NRXN1: variants seen among roughly 807,000 people sequenced by gnomAD.
The protein encoded by NRXN1 is neurexin-1.
Under a neutral mutation model 150.9 loss-of-function variants are expected in NRXN1, and 39 were observed. The observed-to-expected ratio is 0.26, with a 90% confidence interval of 0.20 to 0.34. The LOEUF is 0.34. NRXN1 is among the 10% of genes least tolerant of loss of function. NRXN1 has a pLI of 1.00. For synonymous variants in NRXN1, 924 were observed against 757.0 expected (o/e 1.22, Z -3.62); for missense variants, 1,815 against 1,949.9 (o/e 0.93, Z 1.30).
At chr2:50,684,733 C>G (rs1690964123) in intron 5 of NRXN1, among the ~76,000 whole-genome samples, 1 of 152,124 alleles carries the variant, frequency 6.6e-6, no homozygotes, top group Admixed American at 6.6e-5. Context: ...AAGAGATAGT[C>G]TTTGCCAAGG....
chr2:50,286,565 A>T (rs765966866), intron 17 of NRXN1, among the ~76,000 whole-genome samples: 1 of 152,190 alleles, frequency 6.6e-6, no homozygotes, highest in African/African-American at 2.4e-5. Context: ...AAAGCAGTTA[A>T]CTAGCAAAAG....
intron 5 of NRXN1, among the ~76,000 whole-genome samples, chr2:50,668,485 T>C (rs79040017): frequency 0.027 from 4,090 of 152,042 alleles, 187 homozygotes; most frequent in African/African-American, 0.093. Context: ...AAGAAGAAAA[T>C]GCATTGATTA....
chr2:50,865,576 A>G (rs1202510529), intron 5 of NRXN1, among the ~76,000 whole-genome samples: 1 of 115,718 alleles, frequency 8.6e-6, no homozygotes, highest in African/African-American at 3.3e-5. Context: ...CTCCAAATAT[A>G]TAAATGTGTG....
chr2:50,776,380 G>A (rs927288779), intron 5 of NRXN1, among the ~76,000 whole-genome samples: 2 of 151,950 alleles, frequency 1.3e-5, no homozygotes, highest in African/African-American at 2.4e-5. Context: ...CAACAAGAAT[G>A]TACAAAGGAA....
In NRXN1 at chr2:50,497,760, A is replaced by C. The variant is rs546766577; in HGVS notation, c.2498-46T>G. On this transcript the variant is annotated intron_variant, in intron 13 of 22. Transcript: ENST00000401669. ...TGATTATTTTCTGTATCTGAAAGGC[A>C]CTTTCAACTTTAGGCTTTCATAACA... 9.2e-6 allele frequency: 14 copies of C among 1,521,212 alleles called. No homozygotes were observed. The East Asian group carries it at 1.4e-4, about 15-fold the overall frequency. The allele number at this position is 1,521,212 out of a possible 1,614,324, so 94.2% of individuals were successfully genotyped here.
At chr2:50,968,108 G>A (rs1442939991) in intron 2 of NRXN1, among the ~76,000 whole-genome samples, 1 of 151,936 alleles carries the variant, frequency 6.6e-6, no homozygotes, top group African/African-American at 2.4e-5. Flanking sequence ...TAGGTAGACT[G>A]GTGATTCTGG....
chr2:50,487,223 C>T (rs2090938421), intron 15 of NRXN1, among the ~76,000 whole-genome samples: 1 of 152,082 alleles, frequency 6.6e-6, no homozygotes, highest in South Asian at 2.1e-4. Flanking sequence ...ATATACCCTG[C>T]CTAAGGAAAT....
chr2:50,280,907 A>G (rs1026122860), intron 17 of NRXN1, among the ~76,000 whole-genome samples: 1 of 152,054 alleles, frequency 6.6e-6, no homozygotes, highest in Non-Finnish European at 1.5e-5. Flanking sequence ...GGAGATTTGT[A>G]ATTTATTTTG....
intron 21 of NRXN1, among the ~76,000 whole-genome samples, chr2:49,996,527 T>A (rs1224435886): frequency 6.6e-6 from 1 of 152,202 alleles, no homozygotes. Flanking sequence ...TTAAGACTCT[T>A]GAGTTGGAGA....
intron 2 of NRXN1, among the ~76,000 whole-genome samples, chr2:50,973,440 TAATCC>T (rs1695333058): frequency 6.6e-6 from 1 of 152,176 alleles, no homozygotes; most frequent in Non-Finnish European, 1.5e-5. Context: ...TATCTCAGAT[TAATCC>T]TCTATTTCTG....
chr2:50,835,146 C>G (rs1428499924), intron 5 of NRXN1, among the ~76,000 whole-genome samples: 1 of 152,044 alleles, frequency 6.6e-6, no homozygotes, highest in Non-Finnish European at 1.5e-5. Context: ...GTTCACCTTC[C>G]CTGTAATTTC....
At chr2:50,878,969 A>G (rs2103657572) in intron 5 of NRXN1, among the ~76,000 whole-genome samples, 1 of 151,996 alleles carries the variant, frequency 6.6e-6, no homozygotes, top group East Asian at 2.0e-4. Flanking sequence ...ATGATGGGTA[A>G]TTTTTGTTTT....
intron 19 of NRXN1, among the ~76,000 whole-genome samples, chr2:50,062,402 T>C (rs1249580335): frequency 3.9e-5 from 6 of 152,118 alleles, no homozygotes; most frequent in African/African-American, 1.4e-4. Context: ...TCACTAGAAA[T>C]GGAATCTTGT....
chr2:50,621,900 A>G (rs570014926), intron 6 of NRXN1, among the ~76,000 whole-genome samples: 3 of 152,338 alleles, frequency 2.0e-5, no homozygotes, highest in East Asian at 1.9e-4. Context: ...CCCCGGCTGT[A>G]TAACTACAGT....
chr2:50,769,322 A>T (rs1385859911), intron 5 of NRXN1, among the ~76,000 whole-genome samples: 3 of 152,096 alleles, frequency 2.0e-5, no homozygotes, highest in Non-Finnish European at 4.4e-5. Flanking sequence ...AATCACAGAC[A>T]TTCCCCTAAT....
intron 18 of NRXN1, among the ~76,000 whole-genome samples, chr2:50,137,006 A>C (rs576046660): frequency 3.3e-5 from 5 of 152,284 alleles, no homozygotes; most frequent in African/African-American, 1.2e-4. Context: ...ACATACACCA[A>C]AGAATCTATA....
Position 50,000,163 on chromosome 2 carries a change from A to G in NRXN1, c.4128+53108T>C, listed in dbSNP as rs140572762. Among the ~76,000 whole-genome samples the G allele has an allele frequency of 2.5e-3, 377 of 152,260 alleles. 2 individuals carry two copies. Among genetic ancestry groups the G allele is most frequent in the African/African-American group, 8.8e-3 (364 of 41,552 alleles). ...TAATATGCACAGAAAATCCTCACTA[A>G]AAGTGCAAGCTATAGAAACAGTCAA... On this transcript the variant is annotated intron_variant, in intron 21 of 22. Transcript: ENST00000401669.
At chr2:50,875,684 A>G (rs755920676) in intron 5 of NRXN1, among the ~76,000 whole-genome samples, 1 of 151,798 alleles carries the variant, frequency 6.6e-6, no homozygotes, top group Non-Finnish European at 1.5e-5. Context: ...CTTAGAGGTA[A>G]GCAGAGACCA....
In NRXN1 at chr2:50,782,306, T is replaced by C. The variant is rs182177077; in HGVS notation, c.832+139563A>G. 1.3e-3 allele frequency among the ~76,000 whole-genome samples: 200 copies of C among 152,062 alleles called. 1 individual carries two copies. Among genetic ancestry groups the C allele is most frequent in the African/African-American group, 4.6e-3 (189 of 41,508 alleles). ...CAACCTGGTGAAATCCCATCTCTAC[T>C]AAAAATACAAAAAATTAGCCAGGTG... On this transcript the variant is annotated intron_variant, in intron 5 of 22. Transcript: ENST00000401669.
Sources: gnomAD v4.1 joint callset for allele counts (sites outside exome capture counted in the v4.1 genomes callset) on GRCh38, gnomAD v4.1.1 for gene constraint, MANE v1.5 for transcripts, NCBI Gene and HGNC (gene_info 2026-07-23, HGNC 2026-07-21) for gene names.